The following CADPS2 variants were observed in gnomAD, a reference collection of about 807,000 sequenced individuals.
The protein encoded by CADPS2 is calcium-dependent secretion activator 2.
In CADPS2, 93 loss-of-function variants were observed where a neutral mutation model predicts 172.5. That is an observed-to-expected ratio of 0.54 (90% CI 0.46 to 0.64). The LOEUF (loss-of-function observed/expected upper bound fraction) is 0.64. Among genes scored for constraint, CADPS2 ranks in the 30% least tolerant of loss-of-function variants. The pLI, the probability that CADPS2 is intolerant of heterozygous loss-of-function variation, is 0.00. For synonymous variants in CADPS2, 546 were observed against 555.2 expected (o/e 0.98, Z 0.23); for missense variants, 1,420 against 1,565.9 (o/e 0.91, Z 1.57).
In CADPS2 at chr7:122,513,270, T is replaced by C. The variant is rs1223801191; in HGVS notation, c.1521A>G (p.Lys507=). Residue 507 remains lysine, a synonymous_variant, in exon 9 of 30, where the codon AAA becomes AAG. Coordinates refer to ENST00000449022, the MANE Select transcript of CADPS2 (RefSeq NM_017954.11). ...TAACCTGAACTAGAACAAAGTAACG[T>C]TTTTTCCATCTTTTCCAAACCTTCT... ...LGQKVWKRWK[K]RYFVLVQVSQ... 2 of 1,562,418 alleles carry C rather than the reference T, an allele frequency of 1.3e-6. No homozygotes were observed. The highest frequency in any genetic ancestry group is 2.4e-5 in the South Asian group (2 of 84,726).
intron 14 of CADPS2, among the ~76,000 whole-genome samples, chr7:122,458,862 C>T (rs558751881): frequency 6.6e-6 from 1 of 151,988 alleles, no homozygotes; most frequent in South Asian, 2.1e-4. Context: ...GAAAGAAATA[C>T]CAAGAGCAAT....
intron 8 of CADPS2, among the ~76,000 whole-genome samples, chr7:122,516,237 T>G (rs2060365236): frequency 1.3e-5 from 2 of 152,100 alleles, no homozygotes; most frequent in South Asian, 4.1e-4. Flanking sequence ...AGAAACACAT[T>G]GAAAAATGAG....
intron 2 of CADPS2, among the ~76,000 whole-genome samples, chr7:122,708,850 A>T (rs571705617): frequency 6.6e-6 from 1 of 151,816 alleles, no homozygotes; most frequent in African/African-American, 2.4e-5. Flanking sequence ...TAACGGGGGG[A>T]AAAATTCACA....
At chr7:122,692,750 G>A (rs2084554288) in intron 2 of CADPS2, among the ~76,000 whole-genome samples, 1 of 152,232 alleles carries the variant, frequency 6.6e-6, no homozygotes, top group African/African-American at 2.4e-5. Context: ...TGGACAGATA[G>A]CTGAAAGAAC....
chr7:122,698,840 C>T (rs756165355), intron 2 of CADPS2: 3 of 1,613,538 alleles, frequency 1.9e-6, no homozygotes, highest in South Asian at 2.2e-5. Flanking sequence ...TTCTGACTAA[C>T]AAGCCAAAGA....
chr7:122,346,086 G>A (rs545465235), intron 27 of CADPS2, among the ~76,000 whole-genome samples: 9 of 152,100 alleles, frequency 5.9e-5, no homozygotes, highest in Non-Finnish European at 1.0e-4. Flanking sequence ...TTAAAAATGC[G>A]CTGAGTGCCA....
intron 1 of CADPS2, among the ~76,000 whole-genome samples, chr7:122,841,406 A>G (rs1291105255): frequency 1.3e-5 from 2 of 152,206 alleles, no homozygotes; most frequent in African/African-American, 4.8e-5. Flanking sequence ...GCTAAATTAG[A>G]TATCACCAAG....
chr7:122,613,530 A>C (rs2074536682), intron 6 of CADPS2, among the ~76,000 whole-genome samples: 1 of 152,134 alleles, frequency 6.6e-6, no homozygotes, highest in African/African-American at 2.4e-5. Context: ...GTTTCTCAGA[A>C]TGTATCCCTG....
intron 12 of CADPS2, among the ~76,000 whole-genome samples, chr7:122,479,393 G>GC (rs1312043766): frequency 6.6e-6 from 1 of 152,126 alleles, no homozygotes; most frequent in Non-Finnish European, 1.5e-5. Context: ...CAAAGTAGGT[G>GC]CCACTTCTCT....
chr7:122,542,463 G>A (rs1390588112), intron 8 of CADPS2, among the ~76,000 whole-genome samples: 1 of 152,112 alleles, frequency 6.6e-6, no homozygotes, highest in Non-Finnish European at 1.5e-5. Flanking sequence ...GGTATTATTA[G>A]CAGATTCTAT....
chr7:122,534,094 G>A (rs2062013724), intron 8 of CADPS2, among the ~76,000 whole-genome samples: 1 of 152,040 alleles, frequency 6.6e-6, no homozygotes, highest in Non-Finnish European at 1.5e-5. Flanking sequence ...CCAGCTCTGT[G>A]TATTACCTAA....
intron 1 of CADPS2, 94 bp downstream of exon 1, chr7:122,885,905 C>A: frequency 1.4e-6 from 2 of 1,399,094 alleles, no homozygotes. Context: ...CGGTGTCCTG[C>A]GTTTCGCAGA....
chr7:122,790,027 T>A (rs1794915892), intron 1 of CADPS2, among the ~76,000 whole-genome samples: 1 of 96,422 alleles, frequency 1.0e-5, no homozygotes, highest in South Asian at 3.2e-4. Flanking sequence ...AAATATTAAG[T>A]GTTTTTTTTT....
intron 27 of CADPS2, among the ~76,000 whole-genome samples, chr7:122,353,917 A>C (rs1396116831): frequency 6.6e-6 from 1 of 152,088 alleles, no homozygotes; most frequent in African/African-American, 2.4e-5. Flanking sequence ...TCCTTTTTCC[A>C]AACAGGAGCC....
chr7:122,377,704 T>C (rs570391662), intron 25 of CADPS2, among the ~76,000 whole-genome samples: 2 of 152,242 alleles, frequency 1.3e-5, no homozygotes, highest in South Asian at 4.1e-4. Context: ...TCAAAGAACT[T>C]GATTCTCCAG....
intron 24 of CADPS2, chr7:122,386,291 T>C (rs1401670525): frequency 2.8e-6 from 4 of 1,439,858 alleles, no homozygotes; most frequent in South Asian, 1.7e-5. Flanking sequence ...AAAATGAGAC[T>C]TACCCATTGA....
intron 29 of CADPS2, among the ~76,000 whole-genome samples, 187 bp from the exon 30 acceptor site, chr7:122,320,525 T>A (rs1379135758): frequency 6.6e-6 from 1 of 152,188 alleles, no homozygotes; most frequent in African/African-American, 2.4e-5. Flanking sequence ...TGGCTATTGC[T>A]TCAAACTACA....
chr7:122,854,983 C>T (rs565932949), intron 1 of CADPS2, among the ~76,000 whole-genome samples: 4 of 152,140 alleles, frequency 2.6e-5, no homozygotes, highest in Admixed American at 2.6e-4. Context: ...AAATATAACC[C>T]ATACAAATAT....
intron 25 of CADPS2, among the ~76,000 whole-genome samples, chr7:122,373,747 A>C (rs2042030229): frequency 6.6e-6 from 1 of 152,212 alleles, no homozygotes; most frequent in South Asian, 2.1e-4. Context: ...TGTATTCAAA[A>C]ACCTCTCAAC....
Sources: gnomAD v4.1 joint callset for allele counts (sites outside exome capture counted in the v4.1 genomes callset) on GRCh38, gnomAD v4.1.1 for gene constraint, MANE v1.5 for transcripts, NCBI Gene and HGNC (gene_info 2026-07-23, HGNC 2026-07-21) for gene names.